The following ADAMTSL1 variants were observed in gnomAD, a reference collection of about 807,000 sequenced individuals.
ADAMTSL1 encodes ADAMTS-like protein 1.
A neutral mutation model predicts 201.8 loss-of-function variants in ADAMTSL1; 126 were observed. That is an observed-to-expected ratio of 0.62 (90% CI 0.54 to 0.72). ADAMTSL1 has a LOEUF of 0.72. ADAMTSL1 is among the 30% of genes least tolerant of loss of function. The probability of loss-of-function intolerance (pLI) is 0.00; values close to 1 mark genes in which losing one functional copy is unlikely to be tolerated. For missense variants in ADAMTSL1, 2,679 were observed against 2,277.8 expected, an observed-to-expected ratio of 1.18 and a Z score of -3.59; for synonymous variants, 1,121 against 903.4, an observed-to-expected ratio of 1.24 and a Z score of -4.32.
intron 1 of ADAMTSL1, among the ~76,000 whole-genome samples, chr9:17,929,007 G>T (rs1826667877): frequency 6.6e-6 from 1 of 152,108 alleles, no homozygotes; most frequent in Non-Finnish European, 1.5e-5. Context: ...GTGTGGGTGT[G>T]TGTGTGTGTA....
intron 1 of ADAMTSL1, 103 bp downstream of exon 1, chr9:18,474,398 T>C: frequency 8.8e-7 from 1 of 1,134,496 alleles, no homozygotes; most frequent in South Asian, 1.3e-5. Context: ...TGTGTCTTTA[T>C]CTTAAAACTC....
intron 1 of ADAMTSL1, among the ~76,000 whole-genome samples, chr9:18,488,512 T>C (rs576973138): frequency 6.6e-6 from 1 of 152,204 alleles, no homozygotes; most frequent in Admixed American, 6.5e-5. Context: ...GGTTAAGAGA[T>C]AGACTGCCTG....
intron 7 of ADAMTSL1, among the ~76,000 whole-genome samples, chr9:18,655,106 A>G (rs965873331): frequency 6.6e-6 from 1 of 152,196 alleles, no homozygotes; most frequent in Admixed American, 6.5e-5. Flanking sequence ...AAGCTCACAT[A>G]TTGCCTTTTG....
intron 2 of ADAMTSL1, among the ~76,000 whole-genome samples, chr9:18,434,770 G>A (rs1028908376): frequency 3.3e-5 from 5 of 152,148 alleles, no homozygotes; most frequent in Non-Finnish European, 7.4e-5. Flanking sequence ...GCAAGATCTG[G>A]CTGAATCTAC....
intron 1 of ADAMTSL1, among the ~76,000 whole-genome samples, chr9:18,123,406 A>C (rs1825589230): frequency 6.6e-6 from 1 of 152,210 alleles, no homozygotes; most frequent in Admixed American, 6.5e-5. Context: ...TTTTGACATT[A>C]GAGGAAATAC....
intron 4 of ADAMTSL1, among the ~76,000 whole-genome samples, chr9:18,621,301 C>T (rs1395442563): frequency 1.3e-5 from 2 of 152,104 alleles, no homozygotes; most frequent in Non-Finnish European, 2.9e-5. Flanking sequence ...TTTATAAAAG[C>T]CTGTGATGTT....
chr9:18,465,057 A>G (rs562509848), intron 2 of ADAMTSL1, among the ~76,000 whole-genome samples: 1 of 152,370 alleles, frequency 6.6e-6, no homozygotes, highest in Non-Finnish European at 1.5e-5. Flanking sequence ...CTATGTAATT[A>G]AGCTACATAA....
intron 3 of ADAMTSL1, among the ~76,000 whole-genome samples, chr9:18,559,817 A>T (rs1360394355): frequency 6.6e-6 from 1 of 152,206 alleles, no homozygotes; most frequent in East Asian, 1.9e-4. Flanking sequence ...TTTGTCTATT[A>T]TTGGTATAAA....
chr9:18,358,692 G>C (rs1031722794), intron 2 of ADAMTSL1, among the ~76,000 whole-genome samples: 4 of 152,104 alleles, frequency 2.6e-5, no homozygotes, highest in Admixed American at 1.3e-4. Context: ...CCATGGTATT[G>C]CATGTATCCA....
intron 1 of ADAMTSL1, among the ~76,000 whole-genome samples, chr9:17,977,230 A>T (rs1027854426): frequency 6.6e-6 from 1 of 151,936 alleles, no homozygotes; most frequent in Non-Finnish European, 1.5e-5. Context: ...GTTTGCCATT[A>T]TTTTATTGAT....
chr9:18,140,511 A>AG (rs1484288183), intron 1 of ADAMTSL1, among the ~76,000 whole-genome samples: 1 of 152,326 alleles, frequency 6.6e-6, no homozygotes, highest in Middle Eastern at 3.4e-3. Context: ...GTTGCCTACC[A>AG]GGGAAGTCTA....
intron 1 of ADAMTSL1, among the ~76,000 whole-genome samples, chr9:18,499,526 T>G (rs1822719156): frequency 6.6e-6 from 1 of 152,222 alleles, no homozygotes; most frequent in African/African-American, 2.4e-5. Flanking sequence ...GATGTTTCTG[T>G]GTATAGATTG....
intron 2 of ADAMTSL1, among the ~76,000 whole-genome samples, chr9:18,239,261 C>G (rs1172284294): frequency 6.6e-6 from 1 of 152,188 alleles, no homozygotes; most frequent in Non-Finnish European, 1.5e-5. Flanking sequence ...AAAGATTTCT[C>G]TGTAGCATGT....
Position 18,826,447 on chromosome 9 carries a change from C to G in ADAMTSL1, c.4098C>G (p.Thr1366=). The change falls in exon 22 of 29, where the codon ACC becomes ACG. Residue 1366 remains threonine (T), a synonymous_variant. Coordinates refer to ENST00000380548, the MANE Select transcript of ADAMTSL1 (RefSeq NM_001040272.6). The stretch of plus-strand genomic sequence containing the variant: ...TTCATGGAGAGCTGACTGAGAGCAC[C>G]CAGCTGCTGATCCTAGGTAAACACT... ...ANLHGELTES[T]QLLILDPPQV... 2 of 1,613,260 alleles carry G rather than the reference C, an allele frequency of 1.2e-6. No homozygotes were observed. Among genetic ancestry groups the G allele is most frequent in the Non-Finnish European group, 1.7e-6 (2 of 1,179,646 alleles).
At chr9:18,080,529 C>A (rs551283648) in intron 1 of ADAMTSL1, among the ~76,000 whole-genome samples, 1 of 152,138 alleles carries the variant, frequency 6.6e-6, no homozygotes, top group Non-Finnish European at 1.5e-5. Context: ...CAGATTATTA[C>A]GTATTATGTT....
rs370978933 is a variant in ADAMTSL1, at chr9:18,865,961, C to T, written c.4250-21870C>T. On this transcript the variant is annotated intron_variant, in intron 23 of 28. Coordinates refer to ENST00000380548, the MANE Select transcript of ADAMTSL1 (RefSeq NM_001040272.6). ...AAACAGAAAAGAGAGATGCTAGCCC[C>T]CTGCCTTAAATACTGTGAACTTCTT... Among the ~76,000 whole-genome samples the T allele has an allele frequency of 2.6e-5, 4 of 151,834 alleles. 1 individual carries two copies. The East Asian group carries it at 7.7e-4, about 29-fold the overall frequency.
chr9:17,938,369 TCA>T (rs1014396755), intron 1 of ADAMTSL1, among the ~76,000 whole-genome samples: 2 of 152,142 alleles, frequency 1.3e-5, no homozygotes, highest in Non-Finnish European at 2.9e-5. Context: ...AGGTTTTACC[TCA>T]GTCTTTGTGT....
intron 1 of ADAMTSL1, among the ~76,000 whole-genome samples, chr9:18,130,195 C>G (rs1825892570): frequency 1.3e-5 from 2 of 152,180 alleles, no homozygotes; most frequent in African/African-American, 4.8e-5. Flanking sequence ...AGGCCTCCCT[C>G]TGCCTTCACA....
In ADAMTSL1 at chr9:18,353,682, A is replaced by G. The variant is rs1434532502; in HGVS notation, c.208-151147A>G. 3.3e-5 allele frequency among the ~76,000 whole-genome samples: 5 copies of G among 152,316 alleles called. No homozygotes were observed. The East Asian group carries it at 5.8e-4, about 18-fold the overall frequency. On this transcript the variant is annotated intron_variant, in intron 2 of 29. Coordinates refer to the ADAMTSL1 transcript ENST00000680146. ...TATTAAGGTTGCCCATAAAATTTCT[A>G]TATTGCTCCACCAGGGCACAATGGA...
Sources: allele counts gnomAD v4.1 joint callset (sites outside exome capture counted in the v4.1 genomes callset), GRCh38; gene constraint gnomAD v4.1.1; transcripts MANE v1.5; gene names NCBI Gene and HGNC (gene_info 2026-07-23, HGNC 2026-07-21).